Variants in SNTG1 observed in about 807,000 individuals in gnomAD.
SNTG1 encodes gamma-1-syntrophin.
Under a neutral mutation model 74.7 loss-of-function variants are expected in SNTG1, and 39 were observed. The ratio of observed to expected loss-of-function variants is 0.52; its 90% CI spans 0.40 to 0.68. SNTG1 has a LOEUF of 0.68. Ranked by LOEUF, SNTG1 falls within the 30% of genes least tolerant of loss-of-function variation. The pLI, the probability that SNTG1 is intolerant of heterozygous loss-of-function variation, is 0.00. For synonymous variants in SNTG1, 254 were observed against 217.1 expected (o/e 1.17, Z -1.49); for missense variants, 685 against 609.5 (o/e 1.12, Z -1.30).
At chr8:50,444,048 G>A (rs1163557244) in intron 5 of SNTG1, among the ~76,000 whole-genome samples, 1 of 152,040 alleles carries the variant, frequency 6.6e-6, no homozygotes, top group Non-Finnish European at 1.5e-5. Flanking sequence ...TGAGACAGGA[G>A]AATCACTTGA....
At chr8:50,293,803 A>G (rs1278862490) in intron 2 of SNTG1, among the ~76,000 whole-genome samples, 1 of 152,134 alleles carries the variant, frequency 6.6e-6, no homozygotes, top group African/African-American at 2.4e-5. Flanking sequence ...AGTATATAAA[A>G]CTGTGTAGTA....
chr8:50,156,945 A>G (rs1360821680), intron 1 of SNTG1, among the ~76,000 whole-genome samples: 1 of 152,142 alleles, frequency 6.6e-6, no homozygotes, highest in Non-Finnish European at 1.5e-5. Flanking sequence ...CAGTGCTTCC[A>G]TTTCCAAGAG....
intron 9 of SNTG1, among the ~76,000 whole-genome samples, chr8:50,524,394 C>A (rs114918576): frequency 0.024 from 3,706 of 152,000 alleles, 143 homozygotes; most frequent in African/African-American, 0.081. Flanking sequence ...TTATTATTTT[C>A]TATTAAAAAT....
chr8:50,636,405 A>C (rs1461722753), intron 13 of SNTG1, among the ~76,000 whole-genome samples: 1 of 151,746 alleles, frequency 6.6e-6, no homozygotes, highest in Non-Finnish European at 1.5e-5. Context: ...TTTATTTAAG[A>C]CCCCAGAGCA....
intron 1 of SNTG1, among the ~76,000 whole-genome samples, chr8:50,160,488 T>G (rs768231237): frequency 1.8e-4 from 28 of 152,198 alleles, no homozygotes; most frequent in Non-Finnish European, 3.7e-4. Context: ...CCTCATCACT[T>G]AGAAGCATGG....
intron 8 of SNTG1, among the ~76,000 whole-genome samples, chr8:50,472,794 A>G (rs552918738): frequency 7.2e-5 from 11 of 152,228 alleles, no homozygotes; most frequent in African/African-American, 2.6e-4. Context: ...TAATATTCGG[A>G]ATATATAAAG....
chr8:50,038,083 A>G (rs1818311995), intron 1 of SNTG1, among the ~76,000 whole-genome samples: 1 of 152,128 alleles, frequency 6.6e-6, no homozygotes, highest in Admixed American at 6.6e-5. Context: ...GTTCTTTCTT[A>G]TGAATTCATA....
rs895199817 is a variant in SNTG1 at position 50,749,029 on chromosome 8, G to A, written c.1285-2972G>A. Among the ~76,000 whole-genome samples the A allele has an allele frequency of 2.6e-5, 4 of 152,192 alleles. No individual in the cohort carries two copies. In the South Asian group the frequency reaches 8.3e-4, roughly 31 times the overall value. The stretch of plus-strand genomic sequence containing the variant: ...TGATTACGCTTGGTGAGAAAGGCGT[G>A]TTGAAAACAGAGATAGGCTAAAAGC... On this transcript the variant is annotated intron_variant, in intron 17 of 18. Transcript: ENST00000642720.
chr8:50,169,497 G>A (rs2082735419), intron 1 of SNTG1, among the ~76,000 whole-genome samples: 3 of 152,160 alleles, frequency 2.0e-5, no homozygotes, highest in South Asian at 4.1e-4. Flanking sequence ...GAAAGGGAGG[G>A]AGAAGACAGC....
At chr8:50,002,572 G>T (rs1814842197) in intron 1 of SNTG1, among the ~76,000 whole-genome samples, 3 of 151,198 alleles carry the variant, frequency 2.0e-5, no homozygotes, top group Non-Finnish European at 3.0e-5. Flanking sequence ...AAACTATATT[G>T]GGTGGATTAC....
intron 2 of SNTG1, among the ~76,000 whole-genome samples, chr8:50,232,613 CA>C (rs2085686393): frequency 6.6e-6 from 1 of 151,220 alleles, no homozygotes; most frequent in African/African-American, 2.4e-5. Context: ...GAAACATATG[CA>C]AAAGAGTCTG....
intron 15 of SNTG1, among the ~76,000 whole-genome samples, chr8:50,669,972 C>T (rs200871695): frequency 6.6e-6 from 1 of 152,098 alleles, no homozygotes; most frequent in Non-Finnish European, 1.5e-5. Flanking sequence ...GCAGAAAAGG[C>T]CTTTGACAAA....
At chr8:50,266,676 G>GTA (rs1407307551) in intron 2 of SNTG1, among the ~76,000 whole-genome samples, 9 of 138,144 alleles carry the variant, frequency 6.5e-5, no homozygotes, top group African/African-American at 2.5e-4. Flanking sequence ...GTGTGTGTGT[G>GTA]TGTGTGTGTA....
intron 2 of SNTG1, among the ~76,000 whole-genome samples, chr8:50,298,143 T>C (rs1456887338): frequency 1.3e-5 from 2 of 152,080 alleles, no homozygotes; most frequent in Admixed American, 6.6e-5. Context: ...ATGAAACTTT[T>C]CTTATCTCCC....
chr8:50,762,730 CT>C, intron 18 of SNTG1: 6 of 483,974 alleles, frequency 1.2e-5, no homozygotes, highest in Admixed American at 4.3e-5. Flanking sequence ...GCTTGCCTCC[CT>C]TTTCCATGAT....
At chr8:50,512,204 A>G (rs1489488475) in intron 9 of SNTG1, among the ~76,000 whole-genome samples, 7 of 151,604 alleles carry the variant, frequency 4.6e-5, no homozygotes, top group Admixed American at 3.3e-4. Flanking sequence ...TGAAATTCTG[A>G]GTTGAAAATT....
At chr8:50,102,142 C>T (rs2080155940) in intron 1 of SNTG1, among the ~76,000 whole-genome samples, 1 of 149,292 alleles carries the variant, frequency 6.7e-6, no homozygotes, top group Non-Finnish European at 1.5e-5. Context: ...ACACTGACTT[C>T]CACAATGGTT....
intron 1 of SNTG1, among the ~76,000 whole-genome samples, chr8:50,038,360 T>C (rs750095794): frequency 2.0e-5 from 3 of 152,150 alleles, no homozygotes; most frequent in Non-Finnish European, 2.9e-5. Flanking sequence ...CAAGATCACA[T>C]TGGCACTGTG....
chr8:50,147,455 G>GT (rs2081911921), intron 1 of SNTG1, among the ~76,000 whole-genome samples: 2 of 152,072 alleles, frequency 1.3e-5, no homozygotes, highest in South Asian at 2.1e-4. Context: ...TGGAAAACTT[G>GT]TTTTTTACAG....
Sources: gnomAD v4.1 joint callset for allele counts (sites outside exome capture counted in the v4.1 genomes callset) on GRCh38, gnomAD v4.1.1 for gene constraint, MANE v1.5 for transcripts, NCBI Gene and HGNC (gene_info 2026-07-23, HGNC 2026-07-21) for gene names.